Variants in CERS3 observed in about 807,000 individuals in gnomAD.
The protein encoded by CERS3 is ceramide synthase 3.
A neutral mutation model predicts 50.3 loss-of-function variants in CERS3; 33 were observed. The ratio of observed to expected loss-of-function variants is 0.66; its 90% CI spans 0.50 to 0.88. The LOEUF (loss-of-function observed/expected upper bound fraction) is 0.88, where lower values mean the gene tolerates loss of function less well. CERS3 is among the 40% of genes least tolerant of loss of function. The pLI, the probability that CERS3 is intolerant of heterozygous loss-of-function variation, is 0.00. For synonymous variants in CERS3, 176 were observed against 155.2 expected (o/e 1.13, Z -0.99); for missense variants, 470 against 460.3 (o/e 1.02, Z -0.19).
At chr15:100,493,655 C>G (rs2035716907) in intron 3 of CERS3, among the ~76,000 whole-genome samples, 1 of 151,980 alleles carries the variant, frequency 6.6e-6, no homozygotes, top group Non-Finnish European at 1.5e-5. Context: ...TCTGGAATTC[C>G]CATTATGTGT....
intron 11 of CERS3, among the ~76,000 whole-genome samples, chr15:100,452,092 C>G (rs955741310): frequency 2.0e-5 from 3 of 151,964 alleles, no homozygotes; most frequent in African/African-American, 7.3e-5. Context: ...TATAAAGAAA[C>G]ATTGGATTTA....
intron 1 of CERS3, among the ~76,000 whole-genome samples, chr15:100,524,926 T>G (rs1270065985): frequency 6.6e-6 from 1 of 152,194 alleles, no homozygotes; most frequent in Non-Finnish European, 1.5e-5. Flanking sequence ...GAGAATTAAA[T>G]GGATTATCAC....
chr15:100,435,668 G>C (rs966850959), intron 11 of CERS3, among the ~76,000 whole-genome samples: 5 of 152,126 alleles, frequency 3.3e-5, no homozygotes, highest in South Asian at 4.1e-4. Context: ...AAAGAAACTA[G>C]CATCAGAGTG....
chr15:100,426,492 C>G lies in CERS3; in HGVS notation c.1000-23627G>C, dbSNP rs560445781. On this transcript the variant is annotated intron_variant, in intron 11 of 11. Coordinates refer to ENST00000679737, the MANE Select transcript of CERS3 (RefSeq NM_001378789.1). Reference sequence around the variant, plus strand: ...AGGATACCAGCTTCAAGACAGTGGCCATCTCTGCAGGGAAAGAGAGGGAGA... The same window carrying G: ...AGGATACCAGCTTCAAGACAGTGGCGATCTCTGCAGGGAAAGAGAGGGAGA... 8.5e-5 allele frequency among the ~76,000 whole-genome samples: 13 copies of G among 152,212 alleles called. No homozygotes were observed. In the South Asian group the frequency reaches 2.5e-3, roughly 29 times the overall value.
chr15:100,467,679 C>T (rs1250943875), intron 10 of CERS3, among the ~76,000 whole-genome samples: 1 of 151,238 alleles, frequency 6.6e-6, no homozygotes, highest in South Asian at 2.1e-4. Flanking sequence ...TCATGAAAGT[C>T]ACACTGAAAA....
At chr15:100,504,488 C>T (rs1305880084) in intron 2 of CERS3, among the ~76,000 whole-genome samples, 1 of 152,120 alleles carries the variant, frequency 6.6e-6, no homozygotes, top group Non-Finnish European at 1.5e-5. Context: ...GGTGATCCGC[C>T]CGCCTCAGCC....
chr15:100,433,151 G>C (rs969267596), intron 11 of CERS3, among the ~76,000 whole-genome samples: 6 of 151,454 alleles, frequency 4.0e-5, no homozygotes, highest in African/African-American at 1.5e-4. Context: ...CAGGAGAATC[G>C]CTTGAACCCA....
chr15:100,476,406 G>C (rs938203851), intron 7 of CERS3, among the ~76,000 whole-genome samples: 1 of 152,076 alleles, frequency 6.6e-6, no homozygotes, highest in Non-Finnish European at 1.5e-5. Flanking sequence ...TGAATGTTTT[G>C]TTTAAAAAAT....
chr15:100,466,204 C>G (rs193107464), intron 10 of CERS3, among the ~76,000 whole-genome samples: 1 of 152,130 alleles, frequency 6.6e-6, no homozygotes, highest in Non-Finnish European at 1.5e-5. Context: ...CGCACTACCC[C>G]GACAATCACT....
intron 3 of CERS3, among the ~76,000 whole-genome samples, chr15:100,501,010 T>TA (rs2035980728): frequency 1.3e-5 from 2 of 152,222 alleles, no homozygotes; most frequent in African/African-American, 4.8e-5. Context: ...ACAGAGATTA[T>TA]AGATGAACAT....
chr15:100,419,980 G>A lies in CERS3; in HGVS notation c.1000-17115C>T, dbSNP rs897683799. On this transcript the variant is annotated intron_variant, in intron 11 of 11. Transcript: ENST00000679737. ...ACTAAATGCCCACAAGAGAAAGCAG[G>A]AAAGATCCAAAATTGACACCCTAAC... 3.6e-4 allele frequency among the ~76,000 whole-genome samples: 53 copies of A among 147,736 alleles called. 1 individual carries two copies. In the South Asian group the frequency reaches 8.3e-3, roughly 23 times the overall value.
At chr15:100,520,153 C>G (rs188834259) in intron 2 of CERS3, among the ~76,000 whole-genome samples, 6 of 152,328 alleles carry the variant, frequency 3.9e-5, no homozygotes, top group African/African-American at 1.2e-4. Context: ...CAGCATAATG[C>G]TAGGCCTGGA....
chr15:100,475,667 G>A (rs1463893905), intron 8 of CERS3, among the ~76,000 whole-genome samples: 1 of 152,146 alleles, frequency 6.6e-6, no homozygotes, highest in African/African-American at 2.4e-5. Flanking sequence ...AAATATATTT[G>A]ATGAATTAAT....
chr15:100,504,562 T>C (rs2036117505), intron 2 of CERS3, among the ~76,000 whole-genome samples: 1 of 152,182 alleles, frequency 6.6e-6, no homozygotes, highest in South Asian at 2.1e-4. Flanking sequence ...ATTCTTTTAT[T>C]AGAATTTCTA....
chr15:100,508,329 C>T (rs1040430250), intron 2 of CERS3, among the ~76,000 whole-genome samples: 5 of 151,720 alleles, frequency 3.3e-5, no homozygotes, highest in African/African-American at 4.8e-5. Context: ...GGTTTTTTTC[C>T]GTGTAAAGGA....
intron 6 of CERS3, 141 bp from the exon 7 acceptor site, chr15:100,479,619 A>G: frequency 1.6e-6 from 1 of 625,262 alleles, no homozygotes; most frequent in Non-Finnish European, 2.8e-6. Context: ...CCTTTGCCAT[A>G]TTCTTTTGCT....
In CERS3 at chr15:100,469,430, A is replaced by C; in HGVS notation, c.793T>G (p.Phe265Val). The stretch of plus-strand genomic sequence containing the variant: ...ATGAAAAATATGGTGGAGAAGATGA[A>C]AAACAGGGTGTTACAGGTCTGCGTC... ...GWTQTCNTLF[F>V]IFSTIFFISR... The change falls in exon 10 of 12, where the codon TTC (phenylalanine) becomes GTC (valine). Residue 265 changes from phenylalanine to valine, a missense_variant. By Grantham distance (50) the Phe-to-Val change is conservative. Coordinates refer to ENST00000679737, the MANE Select transcript of CERS3 (RefSeq NM_001378789.1). 6.2e-7 allele frequency: 1 copy of C among 1,614,126 alleles called. No homozygotes were observed. The highest frequency in any genetic ancestry group is 8.5e-7 in the Non-Finnish European group (1 of 1,179,962).
At chr15:100,455,592 A>C (rs1407274251) in intron 11 of CERS3, among the ~76,000 whole-genome samples, 1 of 152,180 alleles carries the variant, frequency 6.6e-6, no homozygotes, top group Non-Finnish European at 1.5e-5. Flanking sequence ...AATAAGCAAA[A>C]GTTTAAAAAT....
At chr15:100,502,878 A>G (rs76918501) in intron 2 of CERS3, among the ~76,000 whole-genome samples, 2,250 of 152,256 alleles carry the variant, frequency 0.015, 65 homozygotes, top group African/African-American at 0.051. Flanking sequence ...AGGAAATATC[A>G]GGGAAAGGTA....
Sources: allele counts gnomAD v4.1 joint callset (sites outside exome capture counted in the v4.1 genomes callset), GRCh38; gene constraint gnomAD v4.1.1; transcripts MANE v1.5; gene names NCBI Gene and HGNC (gene_info 2026-07-23, HGNC 2026-07-21).